LYRM1: variants seen among roughly 807,000 people sequenced by gnomAD.
LYRM1 encodes LYR motif-containing protein 1.
A neutral mutation model predicts 14.9 loss-of-function variants in LYRM1; 14 were observed. The ratio of observed to expected loss-of-function variants is 0.94; its 90% confidence interval spans 0.62 to 1.47. The LOEUF (loss-of-function observed/expected upper bound fraction) is 1.47. LYRM1 is among the 40% of genes most tolerant of loss of function. LYRM1 has a pLI of 0.00. For missense variants in LYRM1, 153 were observed against 149.9 expected, an observed-to-expected ratio of 1.02 and a Z score of -0.11; for synonymous variants, 43 against 56.2, an observed-to-expected ratio of 0.77 and a Z score of 1.05.
chr16:20,923,052 T>C (rs778355303), intron 3 of LYRM1, among the ~76,000 whole-genome samples: 3 of 152,152 alleles, frequency 2.0e-5, no homozygotes, highest in Non-Finnish European at 4.4e-5. Context: ...AGGCCCTCCA[T>C]GGATTGGATG....
chr16:20,904,841 C>A (rs2082244575), intron 1 of LYRM1, among the ~76,000 whole-genome samples: 1 of 151,746 alleles, frequency 6.6e-6, no homozygotes, highest in Admixed American at 6.6e-5. Context: ...TATAACAGAT[C>A]TAAGAGAAAA....
upstream of LYRM1, chr16:20,900,700 A>G (rs1002649478): frequency 1.3e-5 from 2 of 152,420 alleles, no homozygotes; most frequent in African/African-American, 4.8e-5. Flanking sequence ...AGAGTCAGTC[A>G]GTCGAGACTC....
chr16:20,924,086 A>G lies in LYRM1; in HGVS notation c.339A>G (p.Val113=), dbSNP rs777171429. The change falls in exon 4 of 4, where the codon GTA becomes GTG. Residue 113 remains valine, a synonymous_variant. Coordinates refer to ENST00000567954, the MANE Select transcript of LYRM1 (RefSeq NM_001128302.3). ...AACTGAGGAAACTTTCCAAACCAGT[A>G]TATCTCAGATCTCATGATGAAGTTT... ...QEKLRKLSKP[V]YLRSHDEVS The G allele has an allele frequency of 2.2e-5, 35 of 1,608,914 alleles. No individual in the cohort carries two copies. The highest frequency in any genetic ancestry group is 2.9e-5 in the Non-Finnish European group (34 of 1,176,100).
At chr16:20,904,466 G>C (rs1305450277) in intron 1 of LYRM1, among the ~76,000 whole-genome samples, 1 of 152,030 alleles carries the variant, frequency 6.6e-6, no homozygotes, top group African/African-American at 2.4e-5. Flanking sequence ...AAATAAAAAT[G>C]CCATCCACCC....
At chr16:20,909,329 T>G (rs551734694) in intron 1 of LYRM1, among the ~76,000 whole-genome samples, 29 of 152,230 alleles carry the variant, frequency 1.9e-4, no homozygotes, top group Admixed American at 1.3e-4. Context: ...TCTTCTGTCT[T>G]TCTTCATTCT....
At chr16:20,907,697 TC>T (rs2152533360) in intron 1 of LYRM1, among the ~76,000 whole-genome samples, 1 of 152,208 alleles carries the variant, frequency 6.6e-6, no homozygotes, top group African/African-American at 2.4e-5. Context: ...CCACGTCACA[TC>T]CTTTGCTCCT....
In LYRM1 at chr16:20,923,983, T is replaced by C. The variant is rs142810636; in HGVS notation, c.253-17T>C. 1.2e-3 allele frequency: 1,629 copies of C among 1,344,476 alleles called. 21 individuals are homozygous for C. The African/African-American group carries it at 0.021, about 18-fold the overall frequency. 83.3% of individuals were successfully genotyped at this position (1,344,476 alleles called of 1,614,324 possible). On this transcript the variant is annotated splice_polypyrimidine_tract_variant and intron_variant, in intron 3 of 3. Coordinates refer to ENST00000567954, the MANE Select transcript of LYRM1 (RefSeq NM_001128302.3). Reference sequence around the variant, plus strand: ...ATGATGATGAATATGATTCTTCATATTATTGTTCTTATTCAGATTCATCTG... The same window carrying C: ...ATGATGATGAATATGATTCTTCATACTATTGTTCTTATTCAGATTCATCTG...
chr16:20,921,887 T>C (rs558990894), intron 3 of LYRM1: 1 of 152,316 alleles, frequency 6.6e-6, no homozygotes, highest in South Asian at 2.1e-4. Context: ...TCTGTATTCA[T>C]GTACCTACAT....
Position 20,900,800 on chromosome 16 carries a change from A to T in LYRM1, c.-90A>T, listed in dbSNP as rs2081997900. On this transcript the variant is annotated 5_prime_UTR_variant, in exon 1 of 4. Coordinates refer to ENST00000567954, the MANE Select transcript of LYRM1 (RefSeq NM_001128302.3). The stretch of plus-strand genomic sequence containing the variant: ...TGGACCAGCCTGTGCTCGGTCGGCC[A>T]CGGCTCTGCTGGGCTCCTGGCGCCG... 6.6e-6 allele frequency: 1 copy of T among 152,538 alleles called. No individual in the cohort carries two copies. The highest frequency in any genetic ancestry group is 6.5e-5 in the Admixed American group (1 of 15,284). 9.4% of individuals were successfully genotyped at this position (152,538 alleles called of 1,614,324 possible).
chr16:20,917,627 G>A (rs1291333006), intron 2 of LYRM1, among the ~76,000 whole-genome samples: 1 of 151,996 alleles, frequency 6.6e-6, no homozygotes, highest in Non-Finnish European at 1.5e-5. Flanking sequence ...GTGTGGTGGT[G>A]CACACCTGTA....
intron 1 of LYRM1, chr16:20,902,709 T>A (rs1340188884): frequency 6.6e-6 from 1 of 152,222 alleles, no homozygotes; most frequent in African/African-American, 2.4e-5. Context: ...CTTTTGGACT[T>A]GTGCTCAGGT....
chr16:20,915,459 CAAAAA>C, intron 1 of LYRM1, 92 bp from the exon 2 acceptor site: 39 of 794,628 alleles, frequency 4.9e-5, no homozygotes, highest in East Asian at 1.2e-4. Flanking sequence ...GACTCCGTCT[CAAAAA>C]AAAAAAAAAA....
rs1401503365 is a variant in LYRM1, at chr16:20,920,066, C to T, written c.160-56C>T. 8 of 1,207,702 alleles carry T rather than the reference C, an allele frequency of 6.6e-6. No homozygotes were observed. In the South Asian group the frequency reaches 1.1e-4, roughly 16 times the overall value. The allele number at this position is 1,207,702 out of a possible 1,614,324, so 74.8% of individuals were successfully genotyped here. ...AAGTTTGAGAAAATGTATACCTATA[C>T]TCTATGTACCATTAGAAAGATACTA... On this transcript the variant is annotated intron_variant, in intron 2 of 3. Coordinates refer to ENST00000567954, the MANE Select transcript of LYRM1 (RefSeq NM_001128302.3).
At chr16:20,909,718 AAT>A (rs767163495) in intron 1 of LYRM1, among the ~76,000 whole-genome samples, 9 of 152,242 alleles carry the variant, frequency 5.9e-5, no homozygotes, top group Non-Finnish European at 1.2e-4. Context: ...CAAAGACAAA[AAT>A]ATAAAAAGGA....
In LYRM1 at chr16:20,912,739, A is replaced by G. The variant is rs969274252; in HGVS notation, c.1-2817A>G. ...TCTTATGAATGTTATGGGCAAATAA[A>G]GCAAATTGCAGAACTTACCTATAAA... On this transcript the variant is annotated intron_variant, in intron 1 of 3. Transcript: ENST00000567954. Among the ~76,000 whole-genome samples, 10 of 151,996 alleles carry G rather than the reference A, an allele frequency of 6.6e-5. No homozygotes were observed. In the East Asian group the frequency reaches 1.6e-3, roughly 24 times the overall value.
At chr16:20,914,440 C>T (rs1244353278) in intron 1 of LYRM1, among the ~76,000 whole-genome samples, 2 of 148,102 alleles carry the variant, frequency 1.4e-5, no homozygotes, top group East Asian at 2.0e-4. Context: ...AGGCACATGC[C>T]GCCACACCTG....
At chr16:20,923,782 G>GT (rs2083326350) in intron 3 of LYRM1, among the ~76,000 whole-genome samples, 1 of 152,118 alleles carries the variant, frequency 6.6e-6, no homozygotes, top group African/African-American at 2.4e-5. Flanking sequence ...CCTTAAGCAA[G>GT]TTTTTTAACT....
At chr16:20,915,509 T>A in intron 1 of LYRM1, 47 bp from the exon 2 acceptor site, 1 of 1,575,498 alleles carries the variant, frequency 6.3e-7, no homozygotes. Context: ...CCTGTCAAGT[T>A]GCATTTTTAT....
intron 1 of LYRM1, among the ~76,000 whole-genome samples, chr16:20,903,432 C>A (rs2082163852): frequency 6.6e-6 from 1 of 152,206 alleles, no homozygotes; most frequent in Non-Finnish European, 1.5e-5. Flanking sequence ...GCTGTGCTAT[C>A]CCTGTGTAGC....
Sources: allele counts gnomAD v4.1 joint callset (sites outside exome capture counted in the v4.1 genomes callset), GRCh38; gene constraint gnomAD v4.1.1; transcripts MANE v1.5; gene names NCBI Gene and HGNC (gene_info 2026-07-23, HGNC 2026-07-21).